Variants in C7orf78 observed in about 807,000 individuals in gnomAD.
C7orf78 encodes the protein putative uncharacterized protein C7orf78.
chr7:12,483,691 A>G, the C7orf78 span: 1 of 142,954 alleles, frequency 7.0e-6, no homozygotes, highest in African/African-American at 2.6e-5. Flanking sequence ...AACATGATGA[A>G]ACCTCGTCTT....
chr7:12,526,416 T>C, the C7orf78 span, among the ~76,000 whole-genome samples: 2 of 152,150 alleles, frequency 1.3e-5, no homozygotes, highest in Admixed American at 6.6e-5. Flanking sequence ...AATTCAGAGT[T>C]AATTTGTATT....
chr7:12,536,016 A>C, the C7orf78 span, among the ~76,000 whole-genome samples: 3 of 152,168 alleles, frequency 2.0e-5, no homozygotes, highest in South Asian at 6.2e-4. Context: ...TTTTCCAGGC[A>C]CACAGTACAA....
At chr7:12,534,341 C>G in the C7orf78 span, among the ~76,000 whole-genome samples, 69 of 152,190 alleles carry the variant, frequency 4.5e-4, no homozygotes, top group African/African-American at 1.6e-3. Context: ...TCACATCGTG[C>G]ATAAAGAAGT....
At chr7:12,506,303 A>C in the C7orf78 span, among the ~76,000 whole-genome samples, 1 of 152,184 alleles carries the variant, frequency 6.6e-6, no homozygotes, top group African/African-American at 2.4e-5. Flanking sequence ...TATATACCCA[A>C]AGGGTTATAA....
At chr7:12,488,612 T>C in the C7orf78 span, among the ~76,000 whole-genome samples, 1 of 151,864 alleles carries the variant, frequency 6.6e-6, no homozygotes, top group African/African-American at 2.4e-5. Flanking sequence ...CAACAGCCCA[T>C]ATGGCCAGCT....
chr7:12,488,418 G>A, the C7orf78 span, among the ~76,000 whole-genome samples: 1 of 152,098 alleles, frequency 6.6e-6, no homozygotes, highest in African/African-American at 2.4e-5. Flanking sequence ...AATCACAAAT[G>A]CAAATACAAA....
the C7orf78 span, among the ~76,000 whole-genome samples, chr7:12,527,595 T>C: frequency 7.7e-6 from 1 of 129,918 alleles, no homozygotes; most frequent in Admixed American, 7.6e-5. Flanking sequence ...ATGCTAAGTG[T>C]CACTCACTTT....
the C7orf78 span, among the ~76,000 whole-genome samples, chr7:12,511,837 T>C: frequency 3.3e-5 from 5 of 151,752 alleles, no homozygotes; most frequent in African/African-American, 1.2e-4. Flanking sequence ...CTGCAAGCTC[T>C]GCTTCCCGGG....
the C7orf78 span, among the ~76,000 whole-genome samples, chr7:12,497,074 G>A: frequency 6.6e-6 from 1 of 152,178 alleles, no homozygotes; most frequent in South Asian, 2.1e-4. Flanking sequence ...CTTTGTCTAG[G>A]AAATTTTATA....
chr7:12,515,482 C>T, the C7orf78 span, among the ~76,000 whole-genome samples: 495 of 152,292 alleles, frequency 3.3e-3, no homozygotes, highest in Non-Finnish European at 5.0e-3. Flanking sequence ...TGGACCAATA[C>T]ACTAAATTGG....
chr7:12,526,469 T>A, the C7orf78 span, among the ~76,000 whole-genome samples: 4 of 152,154 alleles, frequency 2.6e-5, no homozygotes, highest in African/African-American at 9.7e-5. Context: ...AATATCTGAA[T>A]GCTATATTTA....
chr7:12,497,550 G>A, the C7orf78 span, among the ~76,000 whole-genome samples: 3 of 152,220 alleles, frequency 2.0e-5, no homozygotes, highest in African/African-American at 7.2e-5. Flanking sequence ...GGTGCACCAT[G>A]AGATTATACC....
chr7:12,487,717 G>A, the C7orf78 span, among the ~76,000 whole-genome samples: 15 of 152,060 alleles, frequency 9.9e-5, no homozygotes, highest in African/African-American at 1.7e-4. Context: ...CCAGCGTAGC[G>A]GAAAAATTGC....
the C7orf78 span, among the ~76,000 whole-genome samples, chr7:12,486,541 C>T: frequency 1.3e-5 from 2 of 151,774 alleles, no homozygotes; most frequent in Non-Finnish European, 2.9e-5. Context: ...TATGTTTTTC[C>T]TATTTCTGTA....
chr7:12,536,799 T>A, the C7orf78 span, among the ~76,000 whole-genome samples: 1 of 152,128 alleles, frequency 6.6e-6, no homozygotes, highest in Admixed American at 6.5e-5. Context: ...TCCACAAGTC[T>A]CTAGGCCGGG....
At chr7:12,501,201 A>G in the C7orf78 span, among the ~76,000 whole-genome samples, 10 of 139,622 alleles carry the variant, frequency 7.2e-5, no homozygotes, top group African/African-American at 2.8e-4. Context: ...CACCACTCCT[A>G]TTCAACATAG....
At chr7:12,516,976 G>A in the C7orf78 span, among the ~76,000 whole-genome samples, 1 of 152,146 alleles carries the variant, frequency 6.6e-6, no homozygotes, top group Non-Finnish European at 1.5e-5. Context: ...ATGCTGAAAT[G>A]AGTTAAGACT....
At chr7:12,497,410 C>T in the C7orf78 span, among the ~76,000 whole-genome samples, 21 of 152,328 alleles carry the variant, frequency 1.4e-4, no homozygotes, top group Middle Eastern at 3.4e-3. Context: ...TTGCCTCACT[C>T]GGGAAGCGCA....
the C7orf78 span, among the ~76,000 whole-genome samples, chr7:12,503,171 CATGTATATGT>C: frequency 2.2e-5 from 3 of 134,324 alleles, no homozygotes; most frequent in Admixed American, 7.0e-5. Context: ...CAGCATGGCA[CATGTATATGT>C]ATGTAACTAA....
Sources: allele counts gnomAD v4.1 joint callset (sites outside exome capture counted in the v4.1 genomes callset), GRCh38; gene constraint gnomAD v4.1.1; transcripts MANE v1.5; gene names NCBI Gene and HGNC (gene_info 2026-07-23, HGNC 2026-07-21).